PTPN12: variants seen among roughly 807,000 people sequenced by gnomAD.
PTPN12 encodes tyrosine-protein phosphatase non-receptor type 12.
In PTPN12, 29 loss-of-function variants were observed where a neutral mutation model predicts 97.6. The observed-to-expected ratio is 0.30, with a 90% CI of 0.22 to 0.41. The LOEUF (loss-of-function observed/expected upper bound fraction) is 0.41. Among genes scored for constraint, PTPN12 ranks in the 10% least tolerant of loss-of-function variants. The probability of loss-of-function intolerance (pLI) is 1.00; values close to 1 mark genes in which losing one functional copy is unlikely to be tolerated. For synonymous variants in PTPN12, 327 were observed against 300.4 expected (o/e 1.09, Z -0.91); for missense variants, 819 against 926.0 (o/e 0.88, Z 1.50).
chr7:77,562,012 G>A (rs926550038), intron 1 of PTPN12, among the ~76,000 whole-genome samples: 2 of 150,390 alleles, frequency 1.3e-5, no homozygotes, highest in Non-Finnish European at 3.0e-5. Flanking sequence ...GGATGGTCTC[G>A]GTCTCCTGAC....
At chr7:77,574,685 T>C (rs1485797271) in intron 2 of PTPN12, among the ~76,000 whole-genome samples, 1 of 152,168 alleles carries the variant, frequency 6.6e-6, no homozygotes, top group African/African-American at 2.4e-5. Flanking sequence ...CCAAAATATA[T>C]GAGTGTCAGC....
Position 77,627,189 on chromosome 7 carries a change from A to G in PTPN12, c.1510A>G (p.Asn504Asp), listed in dbSNP as rs774827761. The change falls in exon 13 of 18, where the codon AAC becomes GAC. Residue 504 changes from asparagine (N) to aspartate (D), a missense_variant. Around this residue, in one of 5 missense-constraint regions of PTPN12, gnomAD observed 607 missense variants for 577.3 expected, o/e 1.05. Coordinates refer to ENST00000248594, the MANE Select transcript of PTPN12 (RefSeq NM_002835.4). ...SCVDCSVTQSNKVSVTPPEES... is the reference protein window; with the variant it reads ...SCVDCSVTQSDKVSVTPPEES... ...TGTGGACTGCAGTGTAACACAATCA[A>G]ACAAAGTTTCAGTTACTCCACCAGA... The G allele has an allele frequency of 3.1e-6, 5 of 1,614,038 alleles. No individual in the cohort carries two copies. Among genetic ancestry groups the G allele is most frequent in the South Asian group, 2.2e-5 (2 of 91,076 alleles).
At chr7:77,610,397 A>G (rs1378594655) in intron 9 of PTPN12, among the ~76,000 whole-genome samples, 1 of 152,152 alleles carries the variant, frequency 6.6e-6, no homozygotes, top group East Asian at 1.9e-4. Context: ...TCAATTCCCC[A>G]CATAGATTAT....
intron 1 of PTPN12, among the ~76,000 whole-genome samples, chr7:77,551,419 G>A (rs1411476436): frequency 6.6e-6 from 1 of 152,200 alleles, no homozygotes; most frequent in Non-Finnish European, 1.5e-5. Context: ...CACCAACTGA[G>A]TGGCAATTTG....
intron 6 of PTPN12, 22 bp downstream of exon 6, chr7:77,592,278 C>A: frequency 6.3e-7 from 1 of 1,577,538 alleles, no homozygotes; most frequent in Non-Finnish European, 8.7e-7. Context: ...TTTTTGTAAA[C>A]ACTTTTTTCA....
chr7:77,614,491 G>A (rs753839196), intron 11 of PTPN12, among the ~76,000 whole-genome samples: 3 of 152,024 alleles, frequency 2.0e-5, no homozygotes, highest in Admixed American at 1.3e-4. Context: ...ACCTACTTTC[G>A]TACCTCATTG....
chr7:77,549,181 T>G (rs1264165137), intron 1 of PTPN12, among the ~76,000 whole-genome samples: 11 of 149,088 alleles, frequency 7.4e-5, no homozygotes, highest in Admixed American at 2.0e-4. Context: ...AGGAAGGAAC[T>G]TTTTTTAGAG....
intron 11 of PTPN12, among the ~76,000 whole-genome samples, chr7:77,612,408 T>A (rs1205468816): frequency 1.3e-5 from 2 of 152,206 alleles, no homozygotes; most frequent in Admixed American, 1.3e-4. Flanking sequence ...CCAAATATTT[T>A]ATAATGTAGA....
At chr7:77,638,961 A>G (rs1366197201) in intron 17 of PTPN12, 3 of 786,746 alleles carry the variant, frequency 3.8e-6, no homozygotes, top group Non-Finnish European at 5.5e-6. Flanking sequence ...AGACTAAATT[A>G]TCATGGATAT....
At chr7:77,588,381 A>G (rs1267351290) in intron 5 of PTPN12, among the ~76,000 whole-genome samples, 4 of 152,238 alleles carry the variant, frequency 2.6e-5, no homozygotes, top group South Asian at 2.1e-4. Context: ...AAACTTGTCA[A>G]TGGAACAGTG....
chr7:77,603,716 A>G (rs1377760047), intron 8 of PTPN12, among the ~76,000 whole-genome samples: 1 of 152,178 alleles, frequency 6.6e-6, no homozygotes, highest in Admixed American at 6.5e-5. Context: ...ATAAATATCC[A>G]GAAGTGAGAT....
intron 1 of PTPN12, among the ~76,000 whole-genome samples, chr7:77,540,302 A>T (rs1292612374): frequency 6.6e-6 from 1 of 150,622 alleles, no homozygotes; most frequent in African/African-American, 2.5e-5. Context: ...CAGTGGCTCA[A>T]TCTCGGCTCA....
chr7:77,539,609 T>G (rs1415522615), intron 1 of PTPN12, among the ~76,000 whole-genome samples: 1 of 152,018 alleles, frequency 6.6e-6, no homozygotes, highest in Non-Finnish European at 1.5e-5. Flanking sequence ...GGTTTTGTTG[T>G]TTGGTTGGTT....
At chr7:77,623,058 AT>A (rs1318605055) in intron 12 of PTPN12, among the ~76,000 whole-genome samples, 1 of 151,806 alleles carries the variant, frequency 6.6e-6, no homozygotes, top group East Asian at 1.9e-4. Context: ...AAGGGCATAA[AT>A]TTTTATATAG....
intron 11 of PTPN12, among the ~76,000 whole-genome samples, chr7:77,612,619 A>G (rs895740474): frequency 5.9e-5 from 9 of 151,362 alleles, no homozygotes; most frequent in Non-Finnish European, 1.2e-4. Flanking sequence ...TGTATTTTTA[A>G]TAGAGACGGA....
intron 5 of PTPN12, 114 bp from the exon 6 acceptor site, chr7:77,592,071 G>A: frequency 1.1e-6 from 1 of 869,854 alleles, no homozygotes; most frequent in Non-Finnish European, 1.8e-6. Context: ...GCTAATGTGG[G>A]TTTTTCTGTT....
At chr7:77,563,644 A>G (rs747193801) in intron 1 of PTPN12, among the ~76,000 whole-genome samples, 44 of 152,220 alleles carry the variant, frequency 2.9e-4, no homozygotes, top group Non-Finnish European at 5.9e-4. Context: ...TCCAAGACTC[A>G]TAAGACTGGC....
intron 2 of PTPN12, among the ~76,000 whole-genome samples, chr7:77,573,823 C>T (rs928892216): frequency 6.6e-6 from 1 of 152,128 alleles, no homozygotes; most frequent in Non-Finnish European, 1.5e-5. Flanking sequence ...TGCAGTGGTG[C>T]GATCTCCGCA....
chr7:77,601,047 A>G (rs1788173282), intron 8 of PTPN12: 1 of 405,750 alleles, frequency 2.5e-6, no homozygotes, highest in African/African-American at 2.0e-5. Context: ...GAAGCTATAG[A>G]ACATACTCTT....
Sources: gnomAD v4.1 joint callset for allele counts (sites outside exome capture counted in the v4.1 genomes callset) on GRCh38, gnomAD v4.1.1 for gene constraint, gnomAD v4.1.1 regional missense constraint, MANE v1.5 for transcripts, NCBI Gene and HGNC (gene_info 2026-07-23, HGNC 2026-07-21) for gene names.